CMC2: variants seen among roughly 807,000 people sequenced by gnomAD.
The protein encoded by CMC2 is C-X9-C motif containing 2, also known as COX assembly mitochondrial protein 2 homolog.
Under a neutral mutation model 7.5 loss-of-function variants are expected in CMC2, and 5 were observed. The ratio of observed to expected loss-of-function variants is 0.66; its 90% confidence interval spans 0.35 to 1.40. The LOEUF is 1.40. Among genes scored for constraint, CMC2 ranks in the 40% most tolerant of loss-of-function variants. The probability of loss-of-function intolerance (pLI) is 0.04; values close to 1 mark genes in which losing one functional copy is unlikely to be tolerated. For synonymous variants in CMC2, 37 were observed against 31.4 expected (o/e 1.18, Z -0.60); for missense variants, 115 against 92.3 (o/e 1.25, Z -1.01).
In CMC2 at chr16:80,997,387, G is replaced by C; in HGVS notation, c.8C>G (p.Pro3Arg). The C allele has an allele frequency of 6.2e-7, 1 of 1,609,962 alleles. No homozygotes were observed. The highest frequency in any genetic ancestry group is 8.5e-7 in the Non-Finnish European group (1 of 1,176,970). ...AGTGTGCAAGTGTGGAGATAAGTCA[G>C]GATGCATCTTTAGGAGATGAGGATG... MHPDLSPHLHTEE... is the reference protein window; with the variant it reads MHRDLSPHLHTEE... The change falls in exon 2 of 4, where the codon CCT becomes CGT. Residue 3 changes from proline (P) to arginine (R), a missense_variant. Physicochemically the swap from Pro to Arg is moderately radical, Grantham distance 103. Coordinates refer to ENST00000219400, the MANE Select transcript of CMC2 (RefSeq NM_020188.5).
intron 1 of CMC2, among the ~76,000 whole-genome samples, chr16:81,004,342 T>C (rs1295947877): frequency 1.3e-5 from 2 of 152,220 alleles, no homozygotes; most frequent in South Asian, 2.1e-4. Context: ...CAAACTGTTA[T>C]TATTTGAATA....
At chr16:80,980,947 T>A (rs943674980) in intron 3 of CMC2, 16 of 604,380 alleles carry the variant, frequency 2.6e-5, no homozygotes, top group Middle Eastern at 2.5e-4. Context: ...CAAAAAGTTC[T>A]TCAAACAGTA....
At position 80,973,429 on chromosome 16, in the gene CMC2, A is replaced by C. The variant is rs1597202605; in HGVS notation, c.*2664T>G. The C allele has an allele frequency of 6.6e-6, 1 of 152,182 alleles. No homozygotes were observed. Among genetic ancestry groups the C allele is most frequent in the Non-Finnish European group, 1.5e-5 (1 of 68,028 alleles). 9.4% of individuals were successfully genotyped at this position (152,182 alleles called of 1,614,324 possible). On this transcript the variant is annotated 3_prime_UTR_variant, in exon 4 of 4. Coordinates refer to ENST00000219400, the MANE Select transcript of CMC2 (RefSeq NM_020188.5). ...AGGGGGCCCTTACTTTGTGCCAGAT[A>C]ATCTATCACATACATCTCAACCAAT...
At position 80,970,780 on chromosome 16, in the gene CMC2, G is replaced by C. The variant is rs552222347; in HGVS notation, c.*5313C>G. 2.2e-4 allele frequency: 33 copies of C among 152,232 alleles called. No homozygotes were observed. The highest frequency in any genetic ancestry group is 7.5e-4 in the African/African-American group (31 of 41,548). The allele number at this position is 152,232 out of a possible 1,614,324, so 9.4% of individuals were successfully genotyped here. On this transcript the variant is annotated 3_prime_UTR_variant, in exon 4 of 4. Coordinates refer to ENST00000219400, the MANE Select transcript of CMC2 (RefSeq NM_020188.5). The stretch of plus-strand genomic sequence containing the variant: ...ATTACACTCCAATGTATCAGTAATA[G>C]GAAATTAGAATAAATTGGATGCAGG...
intron 1 of CMC2, among the ~76,000 whole-genome samples, chr16:81,005,590 G>GACTTATCACAA (rs140209849): frequency 6.6e-6 from 1 of 151,650 alleles, no homozygotes; most frequent in Non-Finnish European, 1.5e-5. Flanking sequence ...ACTTATCACA[G>GACTTATCACAA]GACCAGTTCT....
intron 2 of CMC2, among the ~76,000 whole-genome samples, chr16:80,993,198 G>T (rs1968144478): frequency 6.6e-6 from 1 of 152,118 alleles, no homozygotes; most frequent in South Asian, 2.1e-4. Context: ...AGAACAAACT[G>T]AATATATAAA....
At chr16:80,979,696 C>A (rs1966971389) in intron 3 of CMC2, among the ~76,000 whole-genome samples, 1 of 151,916 alleles carries the variant, frequency 6.6e-6, no homozygotes, top group Non-Finnish European at 1.5e-5. Flanking sequence ...TCTGGGCTCA[C>A]CGCAACCTCC....
intron 2 of CMC2, chr16:80,982,210 C>T (rs1348991326): frequency 1.1e-5 from 2 of 179,756 alleles, no homozygotes; most frequent in African/African-American, 4.7e-5. Flanking sequence ...ATGTGTAAAA[C>T]ATGTAAATAC....
rs145005894 is a variant in CMC2, at chr16:80,988,943, G to T, written c.82-7066C>A. Among the ~76,000 whole-genome samples the T allele has an allele frequency of 3.9e-3, 591 of 152,130 alleles. 5 individuals are homozygous for T. Among genetic ancestry groups the T allele is most frequent in the African/African-American group, 0.014 (573 of 41,484 alleles). Reference sequence around the variant, plus strand: ...ATTTTGCAAAATGCTCCCCCACGTGGGTTTGTCTGGTGTTTCTTCACAACT... The same window carrying T: ...ATTTTGCAAAATGCTCCCCCACGTGTGTTTGTCTGGTGTTTCTTCACAACT... On this transcript the variant is annotated intron_variant, in intron 2 of 3. Transcript: ENST00000219400.
chr16:80,971,286 G>A lies in CMC2; in HGVS notation c.*4807C>T, dbSNP rs12919305. The A allele has an allele frequency of 0.15, 23,326 of 151,940 alleles. 2,179 individuals are homozygous for A. The highest frequency in any genetic ancestry group is 0.28 in the African/African-American group (11,433 of 41,382). The allele number at this position is 151,940 out of a possible 1,614,324, so 9.4% of individuals were successfully genotyped here. On this transcript the variant is annotated 3_prime_UTR_variant, in exon 4 of 4. Transcript: ENST00000219400. The stretch of plus-strand genomic sequence containing the variant: ...AAAAACACTCTCCCAGATTGGACAA[G>A]AAGGTAAGTAAGAACGTTCATTGAA...
intron 2 of CMC2, among the ~76,000 whole-genome samples, chr16:80,995,129 G>C (rs916799811): frequency 6.6e-6 from 1 of 152,154 alleles, no homozygotes; most frequent in Non-Finnish European, 1.5e-5. Flanking sequence ...CTGGGTGACA[G>C]AGCGAGACTC....
In CMC2 at chr16:80,970,437, AC is replaced by A. The variant is rs1911837779; in HGVS notation, c.*5655del. 6.6e-6 allele frequency: 1 copy of A among 152,200 alleles called. No homozygotes were observed. The highest frequency in any genetic ancestry group is 2.4e-5 in the African/African-American group (1 of 41,456). 9.4% of individuals were successfully genotyped at this position (152,200 alleles called of 1,614,324 possible). The stretch of plus-strand genomic sequence containing the variant: ...AGGTTGAGCAAGTCTATCTACAATT[AC>A]CAAAAGGAACTTCCTTAGGGAGGAA... On this transcript the variant is annotated 3_prime_UTR_variant, in exon 4 of 4. Transcript: ENST00000219400.
intron 2 of CMC2, among the ~76,000 whole-genome samples, chr16:80,985,643 G>A (rs1967460302): frequency 6.6e-6 from 1 of 151,966 alleles, no homozygotes; most frequent in South Asian, 2.1e-4. Flanking sequence ...GTGCAAAAGA[G>A]TCCTGAGACC....
chr16:80,992,160 A>G (rs774371399), intron 2 of CMC2, among the ~76,000 whole-genome samples: 7 of 152,230 alleles, frequency 4.6e-5, no homozygotes, highest in Non-Finnish European at 1.0e-4. Context: ...CTGTAAATCT[A>G]AAACTGTTCT....
intron 1 of CMC2, among the ~76,000 whole-genome samples, chr16:81,003,691 G>C (rs1372396979): frequency 2.0e-5 from 3 of 152,190 alleles, no homozygotes; most frequent in Non-Finnish European, 4.4e-5. Context: ...TTGACTACAA[G>C]TTCAAAAGGT....
intron 2 of CMC2, chr16:80,991,704 C>T (rs191489610): frequency 3.9e-6 from 1 of 256,454 alleles, no homozygotes; most frequent in African/African-American, 2.3e-5. Flanking sequence ...TCAACATTAA[C>T]AGTGATAAAT....
chr16:80,988,540 A>G (rs1394547083), intron 2 of CMC2: 2 of 701,852 alleles, frequency 2.8e-6, no homozygotes, highest in African/African-American at 3.5e-5. Flanking sequence ...TAGCTCTTAC[A>G]TATACACCCG....
At chr16:80,988,452 C>G (rs1967710834) in intron 2 of CMC2, 3 of 657,092 alleles carry the variant, frequency 4.6e-6, no homozygotes, top group Admixed American at 5.0e-5. Flanking sequence ...TTGTCAATTT[C>G]AAACTTGAAG....
At position 80,969,767 on chromosome 16, in the gene CMC2, G is replaced by C. The variant is rs1035051324; in HGVS notation, c.*6326C>G. The C allele has an allele frequency of 6.6e-6, 1 of 152,290 alleles. No individual in the cohort carries two copies. The highest frequency in any genetic ancestry group is 1.5e-5 in the Non-Finnish European group (1 of 68,184). The allele number at this position is 152,290 out of a possible 1,614,324, so 9.4% of individuals were successfully genotyped here. On this transcript the variant is annotated 3_prime_UTR_variant, in exon 4 of 4. Coordinates refer to ENST00000219400, the MANE Select transcript of CMC2 (RefSeq NM_020188.5). ...TAGCCGGGCATCATGGTGCATGCCT[G>C]TAATCCCAGCTACTTGGGAGGCTGA...
Sources: allele counts gnomAD v4.1 joint callset (sites outside exome capture counted in the v4.1 genomes callset), GRCh38; gene constraint gnomAD v4.1.1; transcripts MANE v1.5; gene names NCBI Gene and HGNC (gene_info 2026-07-23, HGNC 2026-07-21).